Variants in AP1G1 observed in about 807,000 individuals in gnomAD.
The protein encoded by AP1G1 is adaptor related protein complex 1 subunit gamma 1, also known as AP-1 complex subunit gamma-1.
A neutral mutation model predicts 108.3 loss-of-function variants in AP1G1; 7 were observed. The observed-to-expected ratio is 0.06, with a 90% CI of 0.04 to 0.12. The LOEUF is 0.12. Ranked by LOEUF, AP1G1 falls within the 10% of genes least tolerant of loss-of-function variation. The pLI is 1.00. For synonymous variants in AP1G1, 379 were observed against 353.5 expected (o/e 1.07, Z -0.81); for missense variants, 756 against 1,010.7 (o/e 0.75, Z 3.42).
chr16:71,759,871 A>T (rs2030995893), intron 10 of AP1G1, among the ~76,000 whole-genome samples: 2 of 152,066 alleles, frequency 1.3e-5, no homozygotes, highest in Admixed American at 1.3e-4. Flanking sequence ...AAGAGCATAT[A>T]ATATGTCTTT....
Position 71,771,102 on chromosome 16 carries a change from T to C in AP1G1, c.565+54A>G, listed in dbSNP as rs746172606. ...ACAGGACTAACATAGCCTTAAGCCT[T>C]TTCTCTTTCCCTTTCTCCCTCAATA... On this transcript the variant is annotated intron_variant, in intron 5 of 22. Transcript: ENST00000299980. The C allele has an allele frequency of 7.7e-6, 9 of 1,176,344 alleles. No homozygotes were observed. The African/African-American group carries it at 1.4e-4, about 18-fold the overall frequency. 72.9% of individuals were successfully genotyped at this position (1,176,344 alleles called of 1,614,324 possible). A position where few individuals can be genotyped will look rare whatever the true frequency, so the allele number is the denominator to read the frequency against.
At position 71,746,677 on chromosome 16, in the gene AP1G1, C is replaced by A; in HGVS notation, c.1641G>T (p.Val547=). Residue 547 remains valine (V), a synonymous_variant, in exon 17 of 23, where the codon GTG becomes GTT. Coordinates refer to ENST00000299980, the MANE Select transcript of AP1G1 (RefSeq NM_001128.6). ...FTCTVNRIKK[V]VSIYGSSIDV... ...CAATGCTGCTTCCGTAGATGGAAAC[C>A]ACTTTCTTAATTCGGCTATAGATAA... 6.2e-7 allele frequency: 1 copy of A among 1,611,418 alleles called. No homozygotes were observed. The highest frequency in any genetic ancestry group is 1.3e-5 in the African/African-American group (1 of 74,994).
At chr16:71,779,091 A>G (rs1306656006) in intron 2 of AP1G1, among the ~76,000 whole-genome samples, 1 of 152,130 alleles carries the variant, frequency 6.6e-6, no homozygotes, top group Non-Finnish European at 1.5e-5. Context: ...TTTACTTCAA[A>G]CTCTTCTCAG....
Position 71,730,207 on chromosome 16 carries a change from G to A in AP1G1, c.*2851C>T, listed in dbSNP as rs2045463942. On this transcript the variant is annotated 3_prime_UTR_variant, in exon 23 of 23. Coordinates refer to ENST00000299980, the MANE Select transcript of AP1G1 (RefSeq NM_001128.6). Reference sequence around the variant, plus strand: ...CTGTCCAAACCACCTCAAGGTAACAGCACCAAAGCACTGTGGGAGAAGCTT... The same window carrying A: ...CTGTCCAAACCACCTCAAGGTAACAACACCAAAGCACTGTGGGAGAAGCTT... The A allele has an allele frequency of 6.6e-6, 1 of 152,624 alleles. No individual in the cohort carries two copies. Among genetic ancestry groups the A allele is most frequent in the Non-Finnish European group, 1.5e-5 (1 of 68,052 alleles). 9.5% of individuals were successfully genotyped at this position (152,624 alleles called of 1,614,324 possible). A position where few individuals can be genotyped will look rare whatever the true frequency, so the allele number is the denominator to read the frequency against.
At chr16:71,789,688 CA>C (rs2032327983) in intron 1 of AP1G1, among the ~76,000 whole-genome samples, 2 of 152,118 alleles carry the variant, frequency 1.3e-5, no homozygotes, top group African/African-American at 4.8e-5. Flanking sequence ...GGAAAGGCTA[CA>C]AACAAATATG....
rs999273036 is a variant in AP1G1 at position 71,759,826 on chromosome 16, C to G, written c.975-905G>C. ...ATAAAATAAATAGAAGTGACTGACT[C>G]AATTCTTTAAAAGTTTTCCAAATAG... On this transcript the variant is annotated intron_variant, in intron 10 of 22. Transcript: ENST00000299980. 1.1e-4 allele frequency among the ~76,000 whole-genome samples: 17 copies of G among 151,758 alleles called. No individual in the cohort carries two copies. In the East Asian group the frequency reaches 3.3e-3, roughly 29 times the overall value.
chr16:71,788,788 A>C (rs1017931819), intron 2 of AP1G1, among the ~76,000 whole-genome samples: 10 of 151,006 alleles, frequency 6.6e-5, no homozygotes, highest in African/African-American at 2.2e-4. Flanking sequence ...TAGCTTCCTG[A>C]GTAGCTGGGA....
In AP1G1 at chr16:71,732,820, A is replaced by G. The variant is rs970034216; in HGVS notation, c.*238T>C. 2 of 418,006 alleles carry G rather than the reference A, an allele frequency of 4.8e-6. No individual in the cohort carries two copies. The highest frequency in any genetic ancestry group is 8.6e-6 in the Non-Finnish European group (2 of 233,386). The allele number at this position is 418,006 out of a possible 1,614,324, so 25.9% of individuals were successfully genotyped here. A position where few individuals can be genotyped will look rare whatever the true frequency, so the allele number is the denominator to read the frequency against. On this transcript the variant is annotated 3_prime_UTR_variant, in exon 23 of 23. Coordinates refer to ENST00000299980, the MANE Select transcript of AP1G1 (RefSeq NM_001128.6). ...AGGGGTGGAGAAGTGCGGAAAAAGG[A>G]GAAGAGGAAGAGTGCAAAGTAGCCT...
chr16:71,750,106 G>T lies in AP1G1; in HGVS notation c.1407+104C>A. 4.0e-6 allele frequency: 6 copies of T among 1,488,058 alleles called. No individual in the cohort carries two copies. The South Asian group carries it at 7.0e-5, about 17-fold the overall frequency. The allele number at this position is 1,488,058 out of a possible 1,614,324, so 92.2% of individuals were successfully genotyped here. On this transcript the variant is annotated intron_variant, in intron 14 of 22. Coordinates refer to ENST00000299980, the MANE Select transcript of AP1G1 (RefSeq NM_001128.6). ...GCATATCTAGAGTGTTAGAAATAAA[G>T]ACATACCAAAGGGGAGAGAGGAGGG...
At chr16:71,797,467 G>A (rs888368694) in intron 1 of AP1G1, among the ~76,000 whole-genome samples, 1 of 152,040 alleles carries the variant, frequency 6.6e-6, no homozygotes, top group Non-Finnish European at 1.5e-5. Flanking sequence ...ACTTATCTAA[G>A]TGTACTCTTC....
intron 17 of AP1G1, among the ~76,000 whole-genome samples, chr16:71,746,193 G>T (rs1180833925): frequency 6.6e-6 from 1 of 152,150 alleles, no homozygotes; most frequent in Non-Finnish European, 1.5e-5. Flanking sequence ...TGTATTTTTA[G>T]TAGAGACGGG....
chr16:71,794,203 A>G (rs1387628853), intron 1 of AP1G1, among the ~76,000 whole-genome samples: 1 of 152,244 alleles, frequency 6.6e-6, no homozygotes, highest in Non-Finnish European at 1.5e-5. Flanking sequence ...TGACCCATCA[A>G]AGACTGAGAA....
chr16:71,773,733 A>G (rs565969854), intron 3 of AP1G1, among the ~76,000 whole-genome samples: 1 of 152,106 alleles, frequency 6.6e-6, no homozygotes. Context: ...ACCTGAAGTC[A>G]AGAGTTCGAG....
At chr16:71,799,165 C>G (rs192901869) in intron 1 of AP1G1, among the ~76,000 whole-genome samples, 4 of 152,058 alleles carry the variant, frequency 2.6e-5, no homozygotes, top group African/African-American at 7.2e-5. Flanking sequence ...TGTATTTATA[C>G]CCAGTGGTTT....
At chr16:71,774,928 T>TTTTGAGAC (rs1332194471) in intron 2 of AP1G1, among the ~76,000 whole-genome samples, 1 of 150,550 alleles carries the variant, frequency 6.6e-6, no homozygotes, top group African/African-American at 2.4e-5. Flanking sequence ...ACCATGTTGG[T>TTTTGAGAC]CAGGCTGGTC....
chr16:71,753,855 G>T lies in AP1G1; in HGVS notation c.1262C>A (p.Thr421Lys). ...YAPSKRWHID[T>K]IMRVLTTAGS... ...TACCGTTGTCAAAACACGCATAATT[G>T]TGTCTATATGCCATCGTTTGGAAGG... The change falls in exon 13 of 23, where the codon ACA becomes AAA. Residue 421 changes from threonine (T) to lysine (K), a missense_variant. Thr to Lys is a moderately conservative substitution (Grantham distance 78). Coordinates refer to ENST00000299980, the MANE Select transcript of AP1G1 (RefSeq NM_001128.6). 6.2e-7 allele frequency: 1 copy of T among 1,614,034 alleles called. No homozygotes were observed. The highest frequency in any genetic ancestry group is 8.5e-7 in the Non-Finnish European group (1 of 1,179,948).
intron 2 of AP1G1, among the ~76,000 whole-genome samples, chr16:71,776,968 G>A (rs2031801865): frequency 6.6e-6 from 1 of 151,918 alleles, no homozygotes; most frequent in Non-Finnish European, 1.5e-5. Flanking sequence ...AATTAGCCAG[G>A]TGTGGTGGTG....
chr16:71,734,575 C>A (rs201048980), intron 22 of AP1G1, 34 bp downstream of exon 22: 1 of 1,497,456 alleles, frequency 6.7e-7, no homozygotes, highest in Non-Finnish European at 9.3e-7. Flanking sequence ...GCTTACACTT[C>A]GGCTCAGATA....
chr16:71,794,471 G>A (rs1479741951), intron 1 of AP1G1, among the ~76,000 whole-genome samples: 2 of 151,832 alleles, frequency 1.3e-5, no homozygotes, highest in African/African-American at 2.4e-5. Flanking sequence ...TAAGGGACAC[G>A]GATTATAGAT....
Sources: gnomAD v4.1 joint callset for allele counts (sites outside exome capture counted in the v4.1 genomes callset) on GRCh38, gnomAD v4.1.1 for gene constraint, MANE v1.5 for transcripts, NCBI Gene and HGNC (gene_info 2026-07-23, HGNC 2026-07-21) for gene names.